CLIP4: variants seen among roughly 807,000 people sequenced by gnomAD.
CLIP4 encodes CAP-Gly domain containing linker protein family member 4, also known as CAP-Gly domain-containing linker protein 4.
CLIP4 carries 47 observed loss-of-function variants against 73.1 expected under a neutral mutation model. That is an observed-to-expected ratio of 0.64 (90% CI 0.51 to 0.82). The LOEUF is 0.82. CLIP4 is among the 40% of genes least tolerant of loss of function. The pLI is 0.00. For missense variants in CLIP4, 874 were observed against 852.9 expected (o/e 1.02, Z -0.31); for synonymous variants, 306 against 295.4 (o/e 1.04, Z -0.37).
At position 29,115,790 on chromosome 2, in the gene CLIP4, G is replaced by T. The variant is rs1663758181; in HGVS notation, c.-16+125G>T. 6.6e-6 allele frequency: 1 copy of T among 151,456 alleles called. No homozygotes were observed. Among genetic ancestry groups the T allele is most frequent in the Admixed American group, 6.6e-5 (1 of 15,222 alleles). 9.4% of individuals were successfully genotyped at this position (151,456 alleles called of 1,614,324 possible). A position where few individuals can be genotyped will look rare whatever the true frequency, so the allele number is the denominator to read the frequency against. ...GGCCCCGGGAGGGTCGCGCAGAGGC[G>T]CTGGGGGCTGTGGAAGCCCCGCGGC... is the stretch of plus-strand genomic sequence containing the variant. On this transcript the variant is annotated intron_variant, in intron 1 of 15. Transcript: ENST00000320081. This position sits in a 1 kb window ranked among gnomAD's most constrained non-coding sequence, Gnocchi z 5.1.
chr2:29,129,051 TG>T (rs749779409), intron 2 of CLIP4, among the ~76,000 whole-genome samples: 27 of 152,214 alleles, frequency 1.8e-4, no homozygotes, highest in Non-Finnish European at 3.5e-4. Flanking sequence ...TCACTTGTTT[TG>T]AACAATTATG....
At chr2:29,156,194 T>A (rs1385939867) in intron 9 of CLIP4, among the ~76,000 whole-genome samples, 160 bp from the exon 10 acceptor site, 1 of 152,236 alleles carries the variant, frequency 6.6e-6, no homozygotes, top group Non-Finnish European at 1.5e-5. Context: ...ATGCTAGTGC[T>A]TATACCAAAA....
Position 29,133,666 on chromosome 2 carries a change from A to G in CLIP4, c.379A>G (p.Thr127Ala), listed in dbSNP as rs1665138649. Reference sequence around the variant, plus strand: ...AAAATCTTCTTTAGGTGATGTGGAAACAGCTGTAAAATTTGCAACTCAGCT... The same window carrying G: ...AAAATCTTCTTTAGGTGATGTGGAAGCAGCTGTAAAATTTGCAACTCAGCT... ...SGAHGIGDVE[T>A]AVKFATQLID... Residue 127 changes from threonine (T) to alanine (A), a missense_variant, in exon 5 of 16, where the codon ACA becomes GCA. By Grantham distance (58) the Thr-to-Ala change is moderately conservative. Coordinates refer to ENST00000320081, the MANE Select transcript of CLIP4 (RefSeq NM_024692.6). 6.2e-7 allele frequency: 1 copy of G among 1,606,266 alleles called. No homozygotes were observed. The highest frequency in any genetic ancestry group is 8.5e-7 in the Non-Finnish European group (1 of 1,177,986).
At chr2:29,117,833 G>A (rs1663972945) in intron 1 of CLIP4, among the ~76,000 whole-genome samples, 1 of 152,084 alleles carries the variant, frequency 6.6e-6, no homozygotes, top group Admixed American at 6.5e-5. Flanking sequence ...TTTATATGAG[G>A]GCAAGGACAG....
At chr2:29,136,244 C>T (rs112061938) in intron 6 of CLIP4, among the ~76,000 whole-genome samples, 2,287 of 150,166 alleles carry the variant, frequency 0.015, 47 homozygotes, top group East Asian at 0.048. Flanking sequence ...ATAACAATAA[C>T]TCGCTCTGGC....
intron 15 of CLIP4, among the ~76,000 whole-genome samples, chr2:29,180,697 T>C (rs1295277042): frequency 6.6e-6 from 1 of 152,214 alleles, no homozygotes; most frequent in Non-Finnish European, 1.5e-5. Flanking sequence ...CTAGATTCTT[T>C]TTGCTTTATT....
At chr2:29,113,506 C>CG (rs1668434823), upstream of CLIP4, among the ~76,000 whole-genome samples, 1 of 152,186 alleles carries the variant, frequency 6.6e-6, no homozygotes, top group Non-Finnish European at 1.5e-5. This position sits in a 1 kb window ranked among gnomAD's most constrained non-coding sequence, Gnocchi z 4.0. Context: ...CACTTGCATT[C>CG]TTGATGATGG....
At chr2:29,152,557 C>T (rs1666643441) in intron 8 of CLIP4, 128 bp from the exon 9 acceptor site, 10 of 900,926 alleles carry the variant, frequency 1.1e-5, no homozygotes, top group East Asian at 2.8e-5. Flanking sequence ...TTTTTTTCCT[C>T]TCATCATAGG....
Position 29,181,916 on chromosome 2 carries a change from T to G in CLIP4, c.*23T>G. ...TAAGCTTCTAAAATATTAAATAAGC[T>G]CAAATATATATATTTGGTGTAAATA... is the stretch of plus-strand genomic sequence containing the variant. On this transcript the variant is annotated 3_prime_UTR_variant, in exon 16 of 16. Transcript: ENST00000320081. 1 of 1,540,004 alleles carries G rather than the reference T, an allele frequency of 6.5e-7. No individual in the cohort carries two copies. The highest frequency in any genetic ancestry group is 1.2e-5 in the South Asian group (1 of 81,674).
chr2:29,176,067 A>T (rs565984072), intron 15 of CLIP4, among the ~76,000 whole-genome samples: 2 of 152,198 alleles, frequency 1.3e-5, no homozygotes, highest in Non-Finnish European at 2.9e-5. Context: ...GGCTGAGAAT[A>T]AACTTTTTAA....
chr2:29,113,000 A>G (rs1181593859), upstream of CLIP4, among the ~76,000 whole-genome samples: 2 of 152,226 alleles, frequency 1.3e-5, no homozygotes, highest in African/African-American at 2.4e-5. Context: ...CTATGCAGCC[A>G]TTCTGGGTCT....
chr2:29,134,080 G>T (rs115785549), intron 5 of CLIP4, among the ~76,000 whole-genome samples: 371 of 152,094 alleles, frequency 2.4e-3, no homozygotes, highest in African/African-American at 8.4e-3. Flanking sequence ...AGTATAACAC[G>T]GATGTTTTAT....
At position 29,167,907 on chromosome 2, in the gene CLIP4, G is replaced by A. The variant is rs1030258522; in HGVS notation, c.1723+367G>A. ...TGTTTGTTTGCTATTTTGTTATTTA[G>A]CATTCCGTTGAAATATTCATTCCAT... On this transcript the variant is annotated intron_variant, in intron 14 of 15. Coordinates refer to ENST00000320081, the MANE Select transcript of CLIP4 (RefSeq NM_024692.6). 2.5e-5 allele frequency: 4 copies of A among 160,628 alleles called. 1 individual carries two copies. The South Asian group carries it at 8.1e-4, about 33-fold the overall frequency. 10.0% of individuals were successfully genotyped at this position (160,628 alleles called of 1,614,324 possible).
intron 1 of CLIP4, among the ~76,000 whole-genome samples, chr2:29,100,872 C>T (rs1668022657): frequency 6.6e-6 from 1 of 151,898 alleles, no homozygotes; most frequent in African/African-American, 2.4e-5. Context: ...TTTAGAGGGA[C>T]AGAACTAATA....
chr2:29,105,916 C>G (rs1393186526), intron 1 of CLIP4, among the ~76,000 whole-genome samples: 3 of 152,162 alleles, frequency 2.0e-5, no homozygotes, highest in Non-Finnish European at 4.4e-5. Context: ...TGTTTATAAG[C>G]CACTTTGTCT....
At chr2:29,142,308 GTTTTT>G (rs559671885) in intron 6 of CLIP4, among the ~76,000 whole-genome samples, 1 of 145,486 alleles carries the variant, frequency 6.9e-6, no homozygotes, top group African/African-American at 2.5e-5. Flanking sequence ...TATTATTTAG[GTTTTT>G]TTTTTTTAAC....
intron 1 of CLIP4, among the ~76,000 whole-genome samples, chr2:29,101,963 T>A (rs750771025): frequency 1.3e-5 from 2 of 152,196 alleles, no homozygotes; most frequent in Non-Finnish European, 2.9e-5. Flanking sequence ...ATTTTGTGTG[T>A]GCACATAGGA....
chr2:29,167,220 A>C (rs1406255937), intron 13 of CLIP4, among the ~76,000 whole-genome samples: 3 of 152,186 alleles, frequency 2.0e-5, no homozygotes, highest in Non-Finnish European at 4.4e-5. Context: ...GTTACAAAGA[A>C]ATTCAGGTCC....
chr2:29,149,172 G>A (rs777817461), intron 8 of CLIP4, among the ~76,000 whole-genome samples: 1 of 152,106 alleles, frequency 6.6e-6, no homozygotes, highest in African/African-American at 2.4e-5. Context: ...ACGTGGCTAC[G>A]GTTCAATAAA....
Sources: gnomAD v4.1 joint callset for allele counts (sites outside exome capture counted in the v4.1 genomes callset) on GRCh38, gnomAD v4.1.1 for gene constraint, Gnocchi (gnomAD v3.1) non-coding constraint, MANE v1.5 for transcripts, NCBI Gene and HGNC (gene_info 2026-07-23, HGNC 2026-07-21) for gene names.